C7: variants seen among roughly 807,000 people sequenced by gnomAD.
C7 encodes complement component C7.
Under a neutral mutation model 104.8 loss-of-function variants are expected in C7, and 83 were observed. The ratio of observed to expected loss-of-function variants is 0.79; its 90% confidence interval spans 0.66 to 0.95. C7 has a LOEUF of 0.95. C7 is among the 40% of genes least tolerant of loss of function. C7 has a pLI of 0.00. For synonymous variants in C7, 415 were observed against 360.6 expected (o/e 1.15, Z -1.71); for missense variants, 1,070 against 1,011.2 (o/e 1.06, Z -0.79).
At chr5:40,914,787 T>G (rs901498930) in intron 1 of C7, among the ~76,000 whole-genome samples, 6 of 152,194 alleles carry the variant, frequency 3.9e-5, no homozygotes, top group Non-Finnish European at 8.8e-5. Flanking sequence ...GCATCGGAGA[T>G]ATAGGAAATG....
intron 1 of C7, among the ~76,000 whole-genome samples, chr5:40,916,813 A>G (rs150173179): frequency 1.0e-3 from 158 of 152,276 alleles, no homozygotes; most frequent in Non-Finnish European, 1.5e-3. Flanking sequence ...TAAAATATGT[A>G]TATATTGTAG....
In C7 at chr5:40,970,470, T is replaced by G. The variant is rs866278934; in HGVS notation, c.1883-1933T>G. On this transcript the variant is annotated intron_variant, in intron 14 of 17. Transcript: ENST00000313164. ...ATACAGATGAAAAGTCAGGGAACAC[T>G]GAACACTTTTATGTCTGCAAGTTTA... Among the ~76,000 whole-genome samples the G allele has an allele frequency of 2.0e-5, 3 of 152,180 alleles. No individual in the cohort carries two copies. The South Asian group carries it at 6.2e-4, about 32-fold the overall frequency.
intron 1 of C7, among the ~76,000 whole-genome samples, chr5:40,923,344 C>T (rs1243719946): frequency 6.6e-6 from 1 of 152,150 alleles, no homozygotes; most frequent in Non-Finnish European, 1.5e-5. Flanking sequence ...GCTGCATAAA[C>T]ATGGCATCAA....
chr5:40,948,719 AC>A (rs2111633683), intron 8 of C7, among the ~76,000 whole-genome samples: 1 of 152,254 alleles, frequency 6.6e-6, no homozygotes, highest in Admixed American at 6.5e-5. Context: ...TCCAAGTCAA[AC>A]CTTTTTTTTC....
chr5:40,977,059 G>C (rs1024039447), intron 16 of C7, among the ~76,000 whole-genome samples: 1 of 152,182 alleles, frequency 6.6e-6, no homozygotes, highest in Non-Finnish European at 1.5e-5. Context: ...TAGTGGAGAA[G>C]GCTGCAGGAC....
intron 3 of C7, among the ~76,000 whole-genome samples, chr5:40,931,507 T>G (rs573320560): frequency 2.2e-4 from 33 of 152,346 alleles, no homozygotes; most frequent in African/African-American, 7.9e-4. Flanking sequence ...TCAACTTTTC[T>G]TCTCATCTCA....
chr5:40,935,126 GT>G (rs576431800), intron 4 of C7, among the ~76,000 whole-genome samples: 9 of 152,280 alleles, frequency 5.9e-5, no homozygotes, highest in African/African-American at 1.9e-4. Context: ...AGTGATACCT[GT>G]TGAACGCTTA....
At chr5:40,954,305 T>C (rs560553776) in intron 9 of C7, among the ~76,000 whole-genome samples, 2 of 152,292 alleles carry the variant, frequency 1.3e-5, no homozygotes, top group South Asian at 4.1e-4. Flanking sequence ...ATACAATTAG[T>C]ATTTTGTAAT....
At chr5:40,970,490 A>G (rs1740675582) in intron 14 of C7, among the ~76,000 whole-genome samples, 1 of 152,164 alleles carries the variant, frequency 6.6e-6, no homozygotes, top group Admixed American at 6.5e-5. Flanking sequence ...TATGTCTGCA[A>G]GTTTAAAGGT....
At chr5:40,917,759 G>A (rs1267192317) in intron 1 of C7, among the ~76,000 whole-genome samples, 2 of 151,972 alleles carry the variant, frequency 1.3e-5, no homozygotes, top group African/African-American at 4.8e-5. Flanking sequence ...CCTTCTCCAT[G>A]GTTCTTTCAC....
intron 11 of C7, 35 bp downstream of exon 11, chr5:40,958,296 C>T: frequency 7.4e-7 from 1 of 1,352,802 alleles, no homozygotes; most frequent in Non-Finnish European, 1.0e-6. Context: ...CCACCCTGTA[C>T]ACATTGAAAG....
At chr5:40,940,227 G>A (rs576154546) in intron 6 of C7, among the ~76,000 whole-genome samples, 6 of 152,200 alleles carry the variant, frequency 3.9e-5, no homozygotes, top group South Asian at 2.1e-4. Context: ...TCCCTGTTTC[G>A]GTTTTTAGCA....
At chr5:40,968,592 ATATATATATTTTTTTTTTTTTT>A (rs1197095631) in intron 14 of C7, among the ~76,000 whole-genome samples, 308 of 33,700 alleles carry the variant, frequency 9.1e-3, no homozygotes, top group Non-Finnish European at 0.011. Context: ...ATATATATAT[ATATATATATTTTTTTTTTTTTT>A]TTTTTTTTTT....
intron 8 of C7, among the ~76,000 whole-genome samples, chr5:40,948,076 T>A (rs1740090781): frequency 6.6e-6 from 1 of 152,192 alleles, no homozygotes; most frequent in African/African-American, 2.4e-5. Flanking sequence ...TTATCATTAT[T>A]GGCTATCTCT....
intron 9 of C7, chr5:40,954,836 C>A: frequency 5.6e-6 from 1 of 178,926 alleles, no homozygotes. Flanking sequence ...TTGAGTATGC[C>A]ACTGCACTCC....
At chr5:40,959,947 C>T (rs1212462674) in intron 12 of C7, among the ~76,000 whole-genome samples, 13 of 152,148 alleles carry the variant, frequency 8.5e-5, no homozygotes, top group African/African-American at 2.9e-4. Flanking sequence ...ATGATAATAG[C>T]AGGTAAACTG....
At chr5:40,959,215 A>C (rs1267485909) in intron 11 of C7, among the ~76,000 whole-genome samples, 1 of 152,232 alleles carries the variant, frequency 6.6e-6, no homozygotes, top group Non-Finnish European at 1.5e-5. Flanking sequence ...TTGTAAAATA[A>C]TCAACAAATT....
In C7 at chr5:40,923,062, C is replaced by T. The variant is rs1290981798; in HGVS notation, c.7-5518C>T. Among the ~76,000 whole-genome samples, 5 of 152,060 alleles carry T rather than the reference C, an allele frequency of 3.3e-5. No homozygotes were observed. The East Asian group carries it at 9.6e-4, about 29-fold the overall frequency. ...CCTATGGAATTAGAGAAAATATTTGCAAGCTGTTCATCTGACAAGGGATTA... is the reference window on the plus strand; with the variant it reads ...CCTATGGAATTAGAGAAAATATTTGTAAGCTGTTCATCTGACAAGGGATTA... On this transcript the variant is annotated intron_variant, in intron 1 of 17. Transcript: ENST00000313164.
chr5:40,956,854 C>T (rs1016596368), intron 10 of C7, among the ~76,000 whole-genome samples: 4 of 152,132 alleles, frequency 2.6e-5, no homozygotes, highest in African/African-American at 9.7e-5. Flanking sequence ...TCAAAATGGC[C>T]TGTATTCATT....
Sources: gnomAD v4.1 joint callset for allele counts (sites outside exome capture counted in the v4.1 genomes callset) on GRCh38, gnomAD v4.1.1 for gene constraint, MANE v1.5 for transcripts, NCBI Gene and HGNC (gene_info 2026-07-23, HGNC 2026-07-21) for gene names.